CSMD1: variants seen among roughly 807,000 people sequenced by gnomAD.
CSMD1 encodes CUB and sushi domain-containing protein 1.
CSMD1 carries 213 observed loss-of-function variants against 417.5 expected under a neutral mutation model. The observed-to-expected ratio is 0.51, with a 90% confidence interval of 0.46 to 0.57. The LOEUF is 0.57. CSMD1 is among the 20% of genes least tolerant of loss of function. The pLI is 0.00. For synonymous variants in CSMD1, 2,862 were observed against 1,736.8 expected, an observed-to-expected ratio of 1.65 and a Z score of -16.11; for missense variants, 6,923 against 4,529.7, an observed-to-expected ratio of 1.53 and a Z score of -15.17.
chr8:4,591,451 C>G (rs1019556574), intron 2 of CSMD1, among the ~76,000 whole-genome samples: 1 of 152,144 alleles, frequency 6.6e-6, no homozygotes, highest in Non-Finnish European at 1.5e-5. Flanking sequence ...AGCTGTTGAG[C>G]AAAAGCAAAT....
intron 3 of CSMD1, among the ~76,000 whole-genome samples, chr8:4,098,892 C>A (rs949142569): frequency 6.6e-6 from 1 of 152,146 alleles, no homozygotes; most frequent in African/African-American, 2.4e-5. Context: ...CACTGAGGAC[C>A]AACTGTGGGT....
intron 49 of CSMD1, among the ~76,000 whole-genome samples, chr8:3,084,520 G>A (rs778942695): frequency 0.01 from 579 of 55,334 alleles, 1 homozygote; most frequent in Non-Finnish European, 0.016. Context: ...GCAAAACTCC[G>A]TCTCAAAAAA....
intron 2 of CSMD1, among the ~76,000 whole-genome samples, chr8:4,507,895 G>C (rs190245642): frequency 3.3e-5 from 5 of 152,234 alleles, no homozygotes; most frequent in Non-Finnish European, 7.4e-5. Flanking sequence ...TGAAATGAAA[G>C]TGAAAGATAT....
intron 46 of CSMD1, among the ~76,000 whole-genome samples, chr8:3,105,388 G>A (rs960338229): frequency 6.6e-6 from 1 of 152,216 alleles, no homozygotes; most frequent in African/African-American, 2.4e-5. Context: ...ACTTCACTAT[G>A]ATTTTGAAGT....
chr8:4,075,600 T>G (rs1472399777), intron 3 of CSMD1, among the ~76,000 whole-genome samples: 1 of 152,218 alleles, frequency 6.6e-6, no homozygotes, highest in African/African-American at 2.4e-5. Context: ...TTGTTCTGCA[T>G]AGCGGAGTTA....
intron 1 of CSMD1, among the ~76,000 whole-genome samples, chr8:4,706,398 T>G (rs984272264): frequency 6.6e-6 from 1 of 152,174 alleles, no homozygotes; most frequent in South Asian, 2.1e-4. Context: ...AGACAAAAAG[T>G]GTATAATGAA....
intron 2 of CSMD1, among the ~76,000 whole-genome samples, chr8:4,475,079 T>A (rs929626669): frequency 6.6e-6 from 1 of 152,194 alleles, no homozygotes; most frequent in African/African-American, 2.4e-5. Context: ...ATTAACTGTA[T>A]TTATTTTTAA....
At chr8:3,149,990 G>T (rs1160070945) in intron 40 of CSMD1, among the ~76,000 whole-genome samples, 3 of 152,140 alleles carry the variant, frequency 2.0e-5, no homozygotes, top group Non-Finnish European at 4.4e-5. Context: ...ACCTCTGAAA[G>T]AATTCTTAAC....
At chr8:3,904,919 G>C (rs1332540763) in intron 5 of CSMD1, among the ~76,000 whole-genome samples, 1 of 152,104 alleles carries the variant, frequency 6.6e-6, no homozygotes, top group Non-Finnish European at 1.5e-5. Context: ...TTACAGGTGT[G>C]AGCCACTGCA....
chr8:3,283,244 G>C (rs1364492947), intron 26 of CSMD1, among the ~76,000 whole-genome samples: 1 of 152,074 alleles, frequency 6.6e-6, no homozygotes, highest in Non-Finnish European at 1.5e-5. Context: ...ATCAAAGCGT[G>C]TTTGATTAGC....
intron 4 of CSMD1, among the ~76,000 whole-genome samples, chr8:4,004,470 C>T (rs1231757648): frequency 6.7e-6 from 1 of 149,010 alleles, no homozygotes; most frequent in African/African-American, 2.5e-5. Flanking sequence ...ATAAAATGGC[C>T]TAATTTATCT....
intron 1 of CSMD1, among the ~76,000 whole-genome samples, chr8:4,789,986 G>C (rs754594402): frequency 4.6e-5 from 7 of 152,168 alleles, no homozygotes; most frequent in African/African-American, 1.7e-4. Context: ...TTCCCTTCAT[G>C]TGCAACTCAA....
At chr8:4,264,040 G>A (rs906759337) in intron 3 of CSMD1, among the ~76,000 whole-genome samples, 2 of 152,082 alleles carry the variant, frequency 1.3e-5, no homozygotes, top group East Asian at 1.9e-4. Context: ...ATGAACTTGG[G>A]CAAGTTTGTT....
At chr8:3,888,474 G>A (rs1035570396) in intron 5 of CSMD1, among the ~76,000 whole-genome samples, 1 of 152,178 alleles carries the variant, frequency 6.6e-6, no homozygotes, top group African/African-American at 2.4e-5. Flanking sequence ...CGCCATTTAG[G>A]AGATGATTAT....
intron 46 of CSMD1, among the ~76,000 whole-genome samples, chr8:3,103,988 C>T (rs2129013634): frequency 6.6e-6 from 1 of 152,160 alleles, no homozygotes; most frequent in East Asian, 1.9e-4. Context: ...GGTGATCTGC[C>T]CACCTCGGCC....
intron 49 of CSMD1, among the ~76,000 whole-genome samples, chr8:3,085,710 C>T (rs1259320342): frequency 6.6e-6 from 1 of 152,140 alleles, no homozygotes; most frequent in African/African-American, 2.4e-5. Flanking sequence ...TTATCCCAAA[C>T]CTATATATGT....
intron 1 of CSMD1, among the ~76,000 whole-genome samples, chr8:4,979,616 T>G (rs1267257547): frequency 6.6e-6 from 1 of 152,270 alleles, no homozygotes; most frequent in Non-Finnish European, 1.5e-5. Flanking sequence ...AAAAATGCAA[T>G]TGTCTAATTG....
chr8:4,981,968 C>T (rs1156985338), intron 1 of CSMD1, among the ~76,000 whole-genome samples: 1 of 152,140 alleles, frequency 6.6e-6, no homozygotes, highest in Non-Finnish European at 1.5e-5. Context: ...GTGTGGCCCC[C>T]AGGAACTGAT....
intron 1 of CSMD1, among the ~76,000 whole-genome samples, chr8:4,892,315 G>A (rs771738856): frequency 1.3e-5 from 2 of 152,062 alleles, no homozygotes; most frequent in East Asian, 3.9e-4. Flanking sequence ...ATACTCAGAT[G>A]GTTGATACTT....
Sources: allele counts gnomAD v4.1 joint callset (sites outside exome capture counted in the v4.1 genomes callset), GRCh38; gene constraint gnomAD v4.1.1; transcripts MANE v1.5; gene names NCBI Gene and HGNC (gene_info 2026-07-23, HGNC 2026-07-21).